Variants in WNT9B observed in about 807,000 individuals in gnomAD.
WNT9B encodes Wnt family member 9B, also known as protein Wnt-9b.
Under a neutral mutation model 30.2 loss-of-function variants are expected in WNT9B, and 12 were observed. The observed-to-expected ratio is 0.40, with a 90% CI of 0.26 to 0.64. The LOEUF (loss-of-function observed/expected upper bound fraction) is 0.64. Ranked by LOEUF, WNT9B falls within the 30% of genes least tolerant of loss-of-function variation. The pLI is 0.42. For missense variants in WNT9B, 442 were observed against 485.2 expected (o/e 0.91, Z 0.84); for synonymous variants, 218 against 216.9 (o/e 1.01, Z -0.05).
intron 1 of WNT9B, among the ~76,000 whole-genome samples, chr17:46,839,170 A>G (rs1428592349): frequency 6.6e-6 from 1 of 152,210 alleles, no homozygotes; most frequent in Admixed American, 6.5e-5. Flanking sequence ...GAGCCACCGC[A>G]CCTGGCCTCT....
intron 1 of WNT9B, among the ~76,000 whole-genome samples, chr17:46,839,957 T>TTTCTTTCTTTCTTTCTTTCTTTCTC (rs1568113693): frequency 6.3e-4 from 89 of 142,382 alleles, no homozygotes; most frequent in African/African-American, 2.2e-3. Context: ...TCTTTCTTTC[T>TTTCTTTCTTTCTTTCTTTCTTTCTC]TTCTTTCTTT....
upstream of WNT9B, among the ~76,000 whole-genome samples, chr17:46,848,357 C>T (rs2084801681): frequency 2.0e-5 from 3 of 152,208 alleles, 1 homozygote; most frequent in South Asian, 4.1e-4. Flanking sequence ...AAGCTGAAAA[C>T]AACACTTGTT....
At chr17:46,874,732 C>T (rs1598865314) in intron 2 of WNT9B, among the ~76,000 whole-genome samples, 2 of 152,220 alleles carry the variant, frequency 1.3e-5, no homozygotes, top group Admixed American at 1.3e-4. Context: ...CATGTACCAC[C>T]ATGCCCGGCT....
chr17:46,851,746 C>G lies in WNT9B; in HGVS notation c.77+31C>G. ...TGCCCGCCGCGCCCCCCGCCCGCTC[C>G]CCGGCCTGCCTGTCTCTCCCTCCTG... On this transcript the variant is annotated intron_variant, in intron 1 of 3. Coordinates refer to ENST00000290015, the MANE Select transcript of WNT9B (RefSeq NM_003396.3). The surrounding 1 kb of genome is among the most constrained non-coding windows in gnomAD (Gnocchi z 4.3). The G allele has an allele frequency of 8.5e-7, 1 of 1,182,166 alleles. No individual in the cohort carries two copies. Among genetic ancestry groups the G allele is most frequent in the Non-Finnish European group, 1.1e-6 (1 of 932,958 alleles). 73.2% of individuals were successfully genotyped at this position (1,182,166 alleles called of 1,614,324 possible).
chr17:46,838,779 G>C (rs1393750338), intron 1 of WNT9B, among the ~76,000 whole-genome samples: 1 of 152,130 alleles, frequency 6.6e-6, no homozygotes, highest in African/African-American at 2.4e-5. Context: ...AAAAATCCGG[G>C]TTTACAAAAA....
At chr17:46,852,648 ACCTTCCCACCAT>A (rs2084873421) in intron 1 of WNT9B, among the ~76,000 whole-genome samples, 1 of 151,588 alleles carries the variant, frequency 6.6e-6, no homozygotes, top group African/African-American at 2.4e-5. Flanking sequence ...GTAAGAAGGC[ACCTTCCCACCAT>A]CCACCCAAAG....
At chr17:46,847,696 C>T (rs1384145396), upstream of WNT9B, among the ~76,000 whole-genome samples, 6 of 152,170 alleles carry the variant, frequency 3.9e-5, no homozygotes, top group African/African-American at 1.4e-4. Context: ...TCATCTGTTC[C>T]ACTTCCTGTT....
At chr17:46,880,942 A>G (rs533788081), downstream of WNT9B, among the ~76,000 whole-genome samples, 1 of 152,204 alleles carries the variant, frequency 6.6e-6, no homozygotes, top group Admixed American at 6.5e-5. Context: ...GATGAAGCCA[A>G]CCAGGGGCCT....
At chr17:46,870,844 C>T (rs890790017) in intron 1 of WNT9B, among the ~76,000 whole-genome samples, 1 of 150,966 alleles carries the variant, frequency 6.6e-6, no homozygotes, top group Non-Finnish European at 1.5e-5. Flanking sequence ...ACATGAGCAA[C>T]AGTGGCAAGT....
chr17:46,884,055 A>G (rs1176462588), downstream of WNT9B, among the ~76,000 whole-genome samples: 1 of 152,080 alleles, frequency 6.6e-6, no homozygotes, highest in Non-Finnish European at 1.5e-5. Flanking sequence ...GGGCAGAGGC[A>G]CGGGAGAACC....
At chr17:46,849,975 G>T (rs947008352), upstream of WNT9B, among the ~76,000 whole-genome samples, 3 of 151,992 alleles carry the variant, frequency 2.0e-5, no homozygotes, top group Non-Finnish European at 4.4e-5. Context: ...AGCCTCCTGA[G>T]TAGCTGGGAT....
intron 1 of WNT9B, among the ~76,000 whole-genome samples, chr17:46,835,654 G>T (rs2084619737): frequency 6.6e-6 from 1 of 152,214 alleles, no homozygotes; most frequent in African/African-American, 2.4e-5. Context: ...ACCTACAGTG[G>T]CCCTCAGCAG....
chr17:46,856,497 T>C (rs1034681536), intron 1 of WNT9B, among the ~76,000 whole-genome samples: 2 of 151,964 alleles, frequency 1.3e-5, no homozygotes, highest in African/African-American at 4.8e-5. Flanking sequence ...TCTTTTTTTT[T>C]TTTTTGAGAT....
rs1003291243 is a variant in WNT9B, at chr17:46,878,160, C to T, written c.*1442C>T. Among the ~76,000 whole-genome samples, 22 of 152,344 alleles carry T rather than the reference C, an allele frequency of 1.4e-4. No homozygotes were observed. The highest frequency in any genetic ancestry group is 9.8e-4 in the Admixed American group (15 of 15,310). On this transcript the variant is annotated 3_prime_UTR_variant, in exon 4 of 4. Transcript: ENST00000290015. ...CATTGTACTTCCCCAGAGTGGGGCCCGATGCCACCCAGGAGGAAGTGACTT... is the reference window on the plus strand; with the variant it reads ...CATTGTACTTCCCCAGAGTGGGGCCTGATGCCACCCAGGAGGAAGTGACTT...
intron 1 of WNT9B, among the ~76,000 whole-genome samples, chr17:46,861,880 T>C (rs918935992): frequency 6.6e-6 from 1 of 152,172 alleles, no homozygotes; most frequent in South Asian, 2.1e-4. Flanking sequence ...TTTAGAAAAG[T>C]AGGCCGGGTG....
At chr17:46,844,757 A>G (rs560513814) in intron 1 of WNT9B, among the ~76,000 whole-genome samples, 247 of 152,292 alleles carry the variant, frequency 1.6e-3, no homozygotes, top group Non-Finnish European at 2.7e-3. Context: ...AAATTATGGC[A>G]TATTTTTAAA....
intron 1 of WNT9B, 70 bp from the exon 2 acceptor site, chr17:46,872,445 GCC>G (rs1221736907): frequency 1.4e-6 from 2 of 1,427,348 alleles, no homozygotes; most frequent in African/African-American, 2.9e-5. Flanking sequence ...CCCTGAGGAG[GCC>G]CCTTCCCTTC....
At chr17:46,881,361 G>T (rs2085420037), downstream of WNT9B, among the ~76,000 whole-genome samples, 1 of 152,230 alleles carries the variant, frequency 6.6e-6, no homozygotes, top group Non-Finnish European at 1.5e-5. Flanking sequence ...AGTAATGACA[G>T]ACACGTCCAC....
rs997998041 is a variant in WNT9B, at chr17:46,877,198, C to G, written c.*480C>G. ...GAGATGGGTCAATCGGGTCCTGTGG[C>G]CCTGCTCAGGTGCAGTGGGCTCCAG... On this transcript the variant is annotated 3_prime_UTR_variant, in exon 4 of 4. Transcript: ENST00000290015. The G allele has an allele frequency of 7.5e-6, 4 of 536,084 alleles. No homozygotes were observed. The African/African-American group carries it at 8.3e-5, about 11-fold the overall frequency. The allele number at this position is 536,084 out of a possible 1,614,324, so 33.2% of individuals were successfully genotyped here. A position where few individuals can be genotyped will look rare whatever the true frequency, so the allele number is the denominator to read the frequency against.
Sources: allele counts gnomAD v4.1 joint callset (sites outside exome capture counted in the v4.1 genomes callset), GRCh38; gene constraint gnomAD v4.1.1; non-coding constraint Gnocchi (gnomAD v3.1); transcripts MANE v1.5; gene names NCBI Gene and HGNC (gene_info 2026-07-23, HGNC 2026-07-21).